The following LRIG3 variants were observed in gnomAD, a reference collection of about 807,000 sequenced individuals.
LRIG3 encodes the protein leucine-rich repeats and immunoglobulin-like domains protein 3.
A neutral mutation model predicts 114.5 loss-of-function variants in LRIG3; 76 were observed. The observed-to-expected ratio is 0.66, with a 90% CI of 0.55 to 0.80. LRIG3 has a LOEUF of 0.80. LRIG3 is among the 30% of genes least tolerant of loss of function. The probability of loss-of-function intolerance (pLI) is 0.00; values close to 1 mark genes in which losing one functional copy is unlikely to be tolerated. For synonymous variants in LRIG3, 512 were observed against 519.8 expected (o/e 0.98, Z 0.20); for missense variants, 1,239 against 1,382.8 (o/e 0.90, Z 1.65).
intron 1 of LRIG3, among the ~76,000 whole-genome samples, chr12:58,919,054 T>G (rs1385241623): frequency 6.6e-6 from 1 of 152,254 alleles, no homozygotes; most frequent in Non-Finnish European, 1.5e-5. Flanking sequence ...AGATTACGTA[T>G]GAAGTGCACT....
intron 3 of LRIG3, among the ~76,000 whole-genome samples, chr12:58,902,276 T>A (rs965591789): frequency 6.6e-6 from 1 of 151,544 alleles, no homozygotes; most frequent in African/African-American, 2.4e-5. Flanking sequence ...AAAAAAAAAA[T>A]GTAAAAAAAA....
chr12:58,880,805 C>T lies in LRIG3; in HGVS notation c.1577G>A (p.Ser526Asn). 1.2e-6 allele frequency: 2 copies of T among 1,614,234 alleles called. No individual in the cohort carries two copies. The highest frequency in any genetic ancestry group is 1.7e-6 in the Non-Finnish European group (2 of 1,180,036). The change falls in exon 13 of 19, where the codon AGT becomes AAT. Residue 526 changes from serine to asparagine, a missense_variant. By Grantham distance (46) the Ser-to-Asn change is conservative (BLOSUM62 1). Transcript: ENST00000320743. ...LSFICSAASS[S>N]DSPMTFAWKK... ...CCAAGCAAAAGTCATTGGGGAATCACTGCTGCTGGCAGCTGAGCAGATGAA... is the reference window on the plus strand; with the variant it reads ...CCAAGCAAAAGTCATTGGGGAATCATTGCTGCTGGCAGCTGAGCAGATGAA...
chr12:58,880,595 T>C lies in LRIG3; in HGVS notation c.1787A>G (p.Lys596Arg), dbSNP rs752171079. ...AGATCACATACTATTTACTGTAAGC[T>C]TGGCTTTGACAGAGTAGGATGAACC... is the stretch of plus-strand genomic sequence containing the variant. ...HFGSSYSVKAKLTVNMLPSFT... is the reference protein window; with the variant it reads ...HFGSSYSVKARLTVNMLPSFT... The change falls in exon 13 of 19, where the codon AAG (lysine) becomes AGG (arginine). Residue 596 changes from lysine to arginine, a missense_variant. Lys to Arg is a conservative substitution (Grantham distance 26). Transcript: ENST00000320743. 3.7e-6 allele frequency: 6 copies of C among 1,611,188 alleles called. No homozygotes were observed. In the East Asian group the frequency reaches 8.9e-5, roughly 24 times the overall value.
intron 10 of LRIG3, among the ~76,000 whole-genome samples, chr12:58,885,200 GA>G (rs1871237711): frequency 6.6e-6 from 1 of 152,140 alleles, no homozygotes; most frequent in Admixed American, 6.5e-5. Flanking sequence ...GGGTCAAGAC[GA>G]AACAAAAGAA....
rs61754219 is a variant in LRIG3 at position 58,890,001 on chromosome 12, T to C, written c.654A>G (p.Gln218=). Residue 218 remains glutamine (Q), a synonymous_variant, in exon 5 of 19, where the codon CAA becomes CAG. Transcript: ENST00000320743. ...PPKMFKLPQL[Q]HLELNRNKIK... is the part of the protein sequence containing the mutation. Reference sequence around the variant, plus strand: ...TAAGAGGACATTTTACTTACAGATGTTGCAGTTGGGGCAGTTTAAACATCT... The same window carrying C: ...TAAGAGGACATTTTACTTACAGATGCTGCAGTTGGGGCAGTTTAAACATCT... The C allele has an allele frequency of 2.0e-3, 3,176 of 1,613,374 alleles. 3 individuals are homozygous for C. The highest frequency in any genetic ancestry group is 2.5e-3 in the Non-Finnish European group (2,943 of 1,179,590).
At chr12:58,887,992 T>C in intron 7 of LRIG3, 60 bp from the exon 8 acceptor site, 1 of 1,524,100 alleles carries the variant, frequency 6.6e-7, no homozygotes. Flanking sequence ...CAATGATTTG[T>C]TTTCCAAAAG....
chr12:58,872,587 A>G lies in LRIG3; in HGVS notation c.3345T>C (p.Tyr1115=). ...CTCATTCAGTCTATGTGTCCAAGTC[A>G]TAAGACTGAAAATTTGGAGTCCTGT... ...ENYRTPNFQS[Y]DLDT Residue 1115 remains tyrosine, a synonymous_variant, in exon 19 of 19, where the codon TAT becomes TAC. Transcript: ENST00000320743. 1 of 1,613,584 alleles carries G rather than the reference A, an allele frequency of 6.2e-7. No homozygotes were observed. The highest frequency in any genetic ancestry group is 8.5e-7 in the Non-Finnish European group (1 of 1,179,730).
rs777613135 is a variant in LRIG3, at chr12:58,874,134, A to G, written c.3036T>C (p.Asn1012=). The part of the protein sequence containing the change: ...YSHNEGPGMK[N]LCLNKSSLDF... Reference sequence around the variant, plus strand: ...CTAAAGAGGACTTGTTTAGACACAGATTTTTCATTCCAGGTCCTTCATTGT... The same window carrying G: ...CTAAAGAGGACTTGTTTAGACACAGGTTTTTCATTCCAGGTCCTTCATTGT... Residue 1012 remains asparagine (N), a synonymous_variant, in exon 18 of 19, where the codon AAT becomes AAC. Coordinates refer to ENST00000320743, the MANE Select transcript of LRIG3 (RefSeq NM_153377.5). 1.9e-6 allele frequency: 3 copies of G among 1,614,124 alleles called. No individual in the cohort carries two copies. In the Admixed American group the frequency reaches 5.0e-5, roughly 27 times the overall value.
intron 6 of LRIG3, 108 bp downstream of exon 6, chr12:58,888,711 G>T: frequency 7.0e-7 from 1 of 1,432,808 alleles, no homozygotes; most frequent in Non-Finnish European, 9.4e-7. Flanking sequence ...AAATAAGATT[G>T]TGGATGATGA....
chr12:58,879,941 C>T (rs983886283), intron 13 of LRIG3, among the ~76,000 whole-genome samples: 1 of 152,160 alleles, frequency 6.6e-6, no homozygotes, highest in Non-Finnish European at 1.5e-5. Context: ...AGGCAGTGTG[C>T]ATCCAGCATG....
chr12:58,872,398 T>A lies in LRIG3; in HGVS notation c.*174A>T. On this transcript the variant is annotated 3_prime_UTR_variant, in exon 19 of 19. Transcript: ENST00000320743. ...AAAAGGTATTCTTATATGAGCATCA[T>A]TCCCAGTATAAAAATTTTCATAACT... is the stretch of plus-strand genomic sequence containing the variant. 1 of 547,320 alleles carries A rather than the reference T, an allele frequency of 1.8e-6. No homozygotes were observed. 33.9% of individuals were successfully genotyped at this position (547,320 alleles called of 1,614,324 possible). A position where few individuals can be genotyped will look rare whatever the true frequency, so the allele number is the denominator to read the frequency against.
chr12:58,903,188 C>T (rs1345818443), intron 3 of LRIG3, among the ~76,000 whole-genome samples: 2 of 152,214 alleles, frequency 1.3e-5, no homozygotes, highest in Non-Finnish European at 2.9e-5. Flanking sequence ...GTCCCACCAA[C>T]AGTGTAAAAG....
chr12:58,883,085 A>G, intron 11 of LRIG3, 53 bp from the exon 12 acceptor site: 1 of 1,524,714 alleles, frequency 6.6e-7, no homozygotes, highest in African/African-American at 1.4e-5. Flanking sequence ...AGATTTCTAC[A>G]AGTAAACTAA....
chr12:58,880,411 G>A, intron 13 of LRIG3, 170 bp downstream of exon 13: 1 of 753,294 alleles, frequency 1.3e-6, no homozygotes, highest in Non-Finnish European at 2.3e-6. Flanking sequence ...TGCAGGTTTA[G>A]ATACAAATAA....
At position 58,874,430 on chromosome 12, in the gene LRIG3, C is replaced by A; in HGVS notation, c.2839G>T (p.Gly947Cys). ...GTACTCAAGCAAGAAAACCACCTACCTGTATGATATGTTTCAAAAGGATCT... is the reference window on the plus strand; with the variant it reads ...GTACTCAAGCAAGAAAACCACCTACATGTATGATATGTTTCAAAAGGATCT... ...GSDPFETYHT[G>C]CSPDPRTVLM... The change falls in exon 17 of 19, where the codon GGT (glycine) becomes TGT (cysteine). Residue 947 changes from glycine (G) to cysteine (C), a missense_variant and splice_region_variant. By Grantham distance (159) the Gly-to-Cys change is radical. Transcript: ENST00000320743. 1 of 1,614,106 alleles carries A rather than the reference C, an allele frequency of 6.2e-7. No individual in the cohort carries two copies. The highest frequency in any genetic ancestry group is 8.5e-7 in the Non-Finnish European group (1 of 1,180,016).
At chr12:58,897,008 C>T (rs1311357620) in intron 3 of LRIG3, among the ~76,000 whole-genome samples, 1 of 152,338 alleles carries the variant, frequency 6.6e-6, no homozygotes, top group African/African-American at 2.4e-5. Context: ...TCCTTGAAAA[C>T]TATCTTGACT....
At chr12:58,900,181 A>G (rs749942307) in intron 3 of LRIG3, among the ~76,000 whole-genome samples, 3 of 151,990 alleles carry the variant, frequency 2.0e-5, no homozygotes, top group Non-Finnish European at 4.4e-5. Flanking sequence ...GATTACTTCT[A>G]TCCTCCTATA....
chr12:58,874,231 G>A lies in LRIG3; in HGVS notation c.2939C>T (p.Ser980Phe), dbSNP rs1481909141. 6.2e-7 allele frequency: 1 copy of A among 1,614,186 alleles called. No homozygotes were observed. Among genetic ancestry groups the A allele is most frequent in the East Asian group, 2.2e-5 (1 of 44,872 alleles). Residue 980 changes from serine (S) to phenylalanine (F), a missense_variant, in exon 18 of 19, where the codon TCC becomes TTC. By Grantham distance (155) the Ser-to-Phe change is radical. Coordinates refer to ENST00000320743, the MANE Select transcript of LRIG3 (RefSeq NM_153377.5). ...CYPCSHPSEE[S>F]CERSFSNISW... The stretch of plus-strand genomic sequence containing the variant: ...TATATTACTGAAGCTCCGTTCGCAG[G>A]ATTCTTCTGAAGGATGAGAACATGG...
Position 58,915,991 on chromosome 12 carries a change from C to T in LRIG3, c.237-1655G>A, listed in dbSNP as rs12581517. Among the ~76,000 whole-genome samples the T allele has an allele frequency of 1.5e-4, 23 of 152,258 alleles. No individual in the cohort carries two copies. The East Asian group carries it at 4.2e-3, about 28-fold the overall frequency. On this transcript the variant is annotated intron_variant, in intron 1 of 18. Transcript: ENST00000320743. ...TTGAGCCAGCGTAAAACTGCATCCC[C>T]TATTGTTTCAGGTCTTAAAAAGAAA...
Sources: allele counts gnomAD v4.1 joint callset (sites outside exome capture counted in the v4.1 genomes callset), GRCh38; gene constraint gnomAD v4.1.1; transcripts MANE v1.5; gene names NCBI Gene and HGNC (gene_info 2026-07-23, HGNC 2026-07-21).